NRXN3: variants seen among roughly 807,000 people sequenced by gnomAD.
NRXN3 encodes the protein neurexin 3, also known as neurexin III.
A neutral mutation model predicts 137.6 loss-of-function variants in NRXN3; 32 were observed. That is an observed-to-expected ratio of 0.23 (90% CI 0.18 to 0.31). The LOEUF (loss-of-function observed/expected upper bound fraction) is 0.31. Among genes scored for constraint, NRXN3 ranks in the 10% least tolerant of loss-of-function variants. The pLI is 1.00. For synonymous variants in NRXN3, 798 were observed against 784.5 expected, an observed-to-expected ratio of 1.02 and a Z score of -0.29; for missense variants, 1,574 against 2,062.5, an observed-to-expected ratio of 0.76 and a Z score of 4.59.
chr14:79,801,293 T>C (rs1183020866), intron 19 of NRXN3, among the ~76,000 whole-genome samples: 1 of 152,214 alleles, frequency 6.6e-6, no homozygotes, highest in Non-Finnish European at 1.5e-5. Flanking sequence ...TTTTTCTTTA[T>C]CACTCCTCAT....
At chr14:79,632,899 G>A (rs1315538056) in intron 16 of NRXN3, among the ~76,000 whole-genome samples, 3 of 152,064 alleles carry the variant, frequency 2.0e-5, no homozygotes, top group East Asian at 3.9e-4. Flanking sequence ...AGCTTTTATA[G>A]CACTAACATT....
chr14:79,358,145 C>T (rs1213402280), intron 15 of NRXN3, among the ~76,000 whole-genome samples: 1 of 152,174 alleles, frequency 6.6e-6, no homozygotes, highest in Non-Finnish European at 1.5e-5. Flanking sequence ...GAATCCTAGT[C>T]TTTTTATCTC....
intron 4 of NRXN3, among the ~76,000 whole-genome samples, chr14:78,610,377 C>G (rs2097290536): frequency 6.6e-6 from 1 of 152,194 alleles, no homozygotes; most frequent in Non-Finnish European, 1.5e-5. Flanking sequence ...ATCTGGCCAA[C>G]CAGGCTCCTG....
intron 15 of NRXN3, among the ~76,000 whole-genome samples, chr14:79,131,637 C>G (rs368979126): frequency 1.1e-4 from 16 of 152,326 alleles, no homozygotes; most frequent in South Asian, 4.1e-4. Context: ...TTTTGTTTGT[C>G]TGTGCCCTGC....
At chr14:78,286,620 T>A (rs2075214391) in intron 3 of NRXN3, among the ~76,000 whole-genome samples, 2 of 152,150 alleles carry the variant, frequency 1.3e-5, no homozygotes, top group South Asian at 4.2e-4. Flanking sequence ...ACTGTGACGA[T>A]GTAGGGAGGC....
intron 4 of NRXN3, among the ~76,000 whole-genome samples, chr14:78,342,985 T>C (rs974769866): frequency 6.6e-6 from 1 of 152,296 alleles, no homozygotes; most frequent in South Asian, 2.1e-4. Context: ...CAGAGAAAGT[T>C]TGGCATAGTT....
intron 20 of NRXN3, among the ~76,000 whole-genome samples, chr14:79,822,730 C>T (rs2099276382): frequency 6.6e-6 from 1 of 151,960 alleles, no homozygotes; most frequent in Non-Finnish European, 1.5e-5. Context: ...GTTTAAGCAT[C>T]CGTCACTTAG....
chr14:79,727,373 C>T (rs774248278), intron 19 of NRXN3, among the ~76,000 whole-genome samples: 4 of 152,046 alleles, frequency 2.6e-5, no homozygotes, highest in Non-Finnish European at 4.4e-5. Context: ...TCAGGGATAC[C>T]GATGTTAATT....
At chr14:79,333,241 G>GA (rs1175682571) in intron 15 of NRXN3, among the ~76,000 whole-genome samples, 1 of 151,950 alleles carries the variant, frequency 6.6e-6, no homozygotes, top group Non-Finnish European at 1.5e-5. Context: ...ACTCTAATAA[G>GA]AAAAGAGTCT....
chr14:78,825,629 CA>C (rs2152374360), intron 10 of NRXN3, among the ~76,000 whole-genome samples: 1 of 152,336 alleles, frequency 6.6e-6, no homozygotes, highest in East Asian at 1.9e-4. Context: ...GAACTCGTAA[CA>C]ATGGAAACAT....
chr14:78,677,694 A>C (rs2098023716), intron 6 of NRXN3, among the ~76,000 whole-genome samples: 1 of 152,164 alleles, frequency 6.6e-6, no homozygotes, highest in African/African-American at 2.4e-5. Context: ...GCTGAAGGTA[A>C]AATGCTGTCA....
At chr14:78,678,980 C>G (rs1330579539) in intron 6 of NRXN3, among the ~76,000 whole-genome samples, 1 of 152,098 alleles carries the variant, frequency 6.6e-6, no homozygotes, top group Non-Finnish European at 1.5e-5. Context: ...TCACATGTAC[C>G]ATCTTTCAAA....
At chr14:79,512,086 A>G (rs1451239433) in intron 16 of NRXN3, among the ~76,000 whole-genome samples, 4 of 152,112 alleles carry the variant, frequency 2.6e-5, no homozygotes, top group Admixed American at 1.3e-4. Context: ...TTTAGTAGAG[A>G]TGGGGTTTCA....
intron 1 of NRXN3, among the ~76,000 whole-genome samples, chr14:78,185,608 G>A (rs1241169016): frequency 6.6e-6 from 1 of 152,196 alleles, no homozygotes; most frequent in African/African-American, 2.4e-5. Flanking sequence ...GTTCACATGA[G>A]TAAAATTTCA....
intron 10 of NRXN3, among the ~76,000 whole-genome samples, chr14:78,931,944 C>T (rs1325202847): frequency 3.9e-5 from 6 of 152,068 alleles, no homozygotes; most frequent in Admixed American, 1.3e-4. Flanking sequence ...ATCAGGAGTT[C>T]GAGACCAGTC....
intron 8 of NRXN3, among the ~76,000 whole-genome samples, chr14:78,752,952 C>G (rs2098649983): frequency 6.6e-6 from 1 of 152,206 alleles, no homozygotes; most frequent in African/African-American, 2.4e-5. Context: ...TGCATTGACT[C>G]AGCATTGGCC....
At chr14:79,393,585 C>A (rs1217604941) in intron 15 of NRXN3, among the ~76,000 whole-genome samples, 1 of 152,096 alleles carries the variant, frequency 6.6e-6, no homozygotes, top group Admixed American at 6.5e-5. Flanking sequence ...GAGGCCGAGG[C>A]GGGCGGATCA....
chr14:78,651,063 A>G, intron 5 of NRXN3, 102 bp from the exon 6 acceptor site: 1 of 1,110,164 alleles, frequency 9.0e-7, no homozygotes, highest in South Asian at 1.6e-5. Flanking sequence ...TCTCATGAAA[A>G]TCTTAATGAA....
rs554260451 is a variant in NRXN3, at chr14:79,753,271, G to A, written c.4015-51841G>A. On this transcript the variant is annotated intron_variant, in intron 19 of 20. Coordinates refer to ENST00000335750, the MANE Select transcript of NRXN3 (RefSeq NM_001330195.2). Reference sequence around the variant, plus strand: ...TGCTGCTATAAAGACACATGCACACGTATGTTTATTGCGGCACTATTCACA... The same window carrying A: ...TGCTGCTATAAAGACACATGCACACATATGTTTATTGCGGCACTATTCACA... Among the ~76,000 whole-genome samples, 28 of 151,842 alleles carry A rather than the reference G, an allele frequency of 1.8e-4. No individual in the cohort carries two copies. The East Asian group carries it at 2.3e-3, about 13-fold the overall frequency.
Sources: allele counts gnomAD v4.1 joint callset (sites outside exome capture counted in the v4.1 genomes callset), GRCh38; gene constraint gnomAD v4.1.1; transcripts MANE v1.5; gene names NCBI Gene and HGNC (gene_info 2026-07-23, HGNC 2026-07-21).